Variants in KBTBD2 observed in about 807,000 individuals in gnomAD.
KBTBD2 encodes kelch repeat and BTB domain-containing protein 2.
A neutral mutation model predicts 57.1 loss-of-function variants in KBTBD2; 17 were observed. The ratio of observed to expected loss-of-function variants is 0.30; its 90% confidence interval spans 0.20 to 0.45. The LOEUF is 0.45. Among genes scored for constraint, KBTBD2 ranks in the 20% least tolerant of loss-of-function variants. The pLI, the probability that KBTBD2 is intolerant of heterozygous loss-of-function variation, is 1.00. For synonymous variants in KBTBD2, 267 were observed against 262.7 expected (o/e 1.02, Z -0.16); for missense variants, 515 against 750.6 (o/e 0.69, Z 3.67).
At chr7:32,881,628 A>G (rs1784446533) in intron 1 of KBTBD2, among the ~76,000 whole-genome samples, 1 of 152,226 alleles carries the variant, frequency 6.6e-6, no homozygotes. Flanking sequence ...AGGCAGAGTG[A>G]GACTCTGGGT....
upstream of KBTBD2, chr7:32,892,014 G>C (rs1299622348): frequency 6.7e-6 from 1 of 150,308 alleles, no homozygotes; most frequent in African/African-American, 2.4e-5. Flanking sequence ...CCTCGCGCGC[G>C]CGCGCGCCTG....
At chr7:32,886,567 C>CT (rs1462977864) in intron 1 of KBTBD2, among the ~76,000 whole-genome samples, 3 of 152,276 alleles carry the variant, frequency 2.0e-5, no homozygotes, top group Non-Finnish European at 4.4e-5. Flanking sequence ...TATCAGAGAC[C>CT]TGAGTGTCCT....
intron 3 of KBTBD2, 125 bp from the exon 4 acceptor site, chr7:32,871,005 T>A: frequency 1.6e-6 from 1 of 606,810 alleles, no homozygotes. Context: ...GATACACACA[T>A]CTGGGCTGAG....
At position 32,882,031 on chromosome 7, in the gene KBTBD2, T is replaced by C. The variant is rs1026696444; in HGVS notation, c.-338-2089A>G. Among the ~76,000 whole-genome samples the C allele has an allele frequency of 5.9e-5, 9 of 152,120 alleles. No individual in the cohort carries two copies. In the South Asian group the frequency reaches 6.2e-4, roughly 11 times the overall value. On this transcript the variant is annotated intron_variant, in intron 1 of 3. Transcript: ENST00000304056. ...TGGTGTCAAAAATAAAGACTATATA[T>C]AGCCTCACGTTACTTCAGGTCAGGT...
At position 32,869,936 on chromosome 7, in the gene KBTBD2, AACC is replaced by A; in HGVS notation, c.1278_1280del (p.Val427del). The stretch of plus-strand genomic sequence containing the variant: ...GTGTCATCACATAAATGCAGTCATG[AACC>A]ACAACTGCTGCACTCCATTGCCAAG... On this transcript the variant is annotated inframe_deletion, in exon 4 of 4. Coordinates refer to ENST00000304056, the MANE Select transcript of KBTBD2 (RefSeq NM_015483.3). The A allele has an allele frequency of 6.2e-7, 1 of 1,614,046 alleles. No homozygotes were observed. The highest frequency in any genetic ancestry group is 1.1e-5 in the South Asian group (1 of 91,086).
At position 32,879,598 on chromosome 7, in the gene KBTBD2, T is replaced by C. The variant is rs1418505345; in HGVS notation, c.7A>G (p.Thr3Ala). 5 of 1,612,274 alleles carry C rather than the reference T, an allele frequency of 3.1e-6. No individual in the cohort carries two copies. The African/African-American group carries it at 5.3e-5, about 17-fold the overall frequency. The stretch of plus-strand genomic sequence containing the variant: ...GTATTGATCTGCCTCTCGTCTTGAG[T>C]GGACATGACTGTATTCCATTAATAT... Reference protein sequence around the residue: MSTQDERQINTEY... With the variant: MSAQDERQINTEY... Residue 3 changes from threonine to alanine, a missense_variant, in exon 2 of 4, where the codon ACT becomes GCT. By Grantham distance (58) the Thr-to-Ala change is moderately conservative. Transcript: ENST00000304056.
intron 2 of KBTBD2, among the ~76,000 whole-genome samples, chr7:32,876,629 G>A (rs1784318809): frequency 6.6e-6 from 1 of 152,184 alleles, no homozygotes; most frequent in Non-Finnish European, 1.5e-5. Flanking sequence ...TAAGAGGTAA[G>A]AAACTAAGTT....
chr7:32,890,307 G>C (rs954833730), intron 1 of KBTBD2, among the ~76,000 whole-genome samples: 3 of 152,164 alleles, frequency 2.0e-5, no homozygotes, highest in Non-Finnish European at 4.4e-5. Context: ...TTATCAGCCA[G>C]ATGGAAAGAA....
At chr7:32,879,235 G>T (rs1784391208) in intron 2 of KBTBD2, among the ~76,000 whole-genome samples, 200 bp downstream of exon 2, 1 of 152,066 alleles carries the variant, frequency 6.6e-6, no homozygotes, top group Non-Finnish European at 1.5e-5. Flanking sequence ...TTAGTTAATT[G>T]CAACACATTT....
chr7:32,875,321 G>A (rs553108816), intron 2 of KBTBD2, among the ~76,000 whole-genome samples, 164 bp from the exon 3 acceptor site: 1 of 152,238 alleles, frequency 6.6e-6, no homozygotes, highest in East Asian at 1.9e-4. Flanking sequence ...CCCCAGGCTG[G>A]AGTGCAGTGG....
Position 32,869,534 on chromosome 7 carries a change from C to A in KBTBD2, c.1683G>T (p.Trp561Cys), listed in dbSNP as rs1784115911. 6.2e-7 allele frequency: 1 copy of A among 1,614,034 alleles called. No individual in the cohort carries two copies. Among genetic ancestry groups the A allele is most frequent in the Non-Finnish European group, 8.5e-7 (1 of 1,180,028 alleles). Residue 561 changes from tryptophan to cysteine, a missense_variant, in exon 4 of 4, where the codon TGG becomes TGT. By Grantham distance (215) the Trp-to-Cys change is radical (BLOSUM62 -2). Coordinates refer to ENST00000304056, the MANE Select transcript of KBTBD2 (RefSeq NM_015483.3). Reference sequence around the variant, plus strand: ...GTTCAGATATATGCTGCCGCAGAGACCACCGGTCAAGTTCCAGGTCATATT... The same window carrying A: ...GTTCAGATATATGCTGCCGCAGAGAACACCGGTCAAGTTCCAGGTCATATT... Reference protein sequence around the residue: ...TYQYDLELDRWSLRQHISERV... With the variant: ...TYQYDLELDRCSLRQHISERV...
chr7:32,871,452 T>C (rs1006062881), intron 3 of KBTBD2, among the ~76,000 whole-genome samples: 3 of 152,184 alleles, frequency 2.0e-5, no homozygotes, highest in Non-Finnish European at 4.4e-5. Flanking sequence ...TCTTAGCCAC[T>C]GTAAGCTTCC....
upstream of KBTBD2, chr7:32,891,903 C>CCCCCGCCGCCCCCGCCCCCGA: frequency 7.0e-6 from 1 of 141,884 alleles, no homozygotes; most frequent in Non-Finnish European, 1.6e-5. Context: ...CCCGCCCCCG[C>CCCCCGCCGCCCCCGCCCCCGA]CCCCGCCGCG....
At chr7:32,879,398 T>C (rs751436694) in intron 2 of KBTBD2, 37 bp downstream of exon 2, 1 of 1,453,196 alleles carries the variant, frequency 6.9e-7, no homozygotes, top group Admixed American at 2.2e-5. Context: ...AAATAACATT[T>C]CAAAGAATTT....
intron 1 of KBTBD2, among the ~76,000 whole-genome samples, chr7:32,881,100 C>CAA (rs10617384): frequency 8.0e-6 from 1 of 125,712 alleles, no homozygotes; most frequent in African/African-American, 3.0e-5. Context: ...GACACCGTCT[C>CAA]AAAAAAAAAA....
Position 32,891,048 on chromosome 7 carries a change from T to C in KBTBD2, c.-339+488A>G, listed in dbSNP as rs556007811. 4 of 152,302 alleles carry C rather than the reference T, an allele frequency of 2.6e-5. No individual in the cohort carries two copies. In the South Asian group the frequency reaches 8.3e-4, roughly 32 times the overall value. 9.4% of individuals were successfully genotyped at this position (152,302 alleles called of 1,614,324 possible). ...GATATAGACCATAACAGGAGCTCTGTTCGTCTAGACCTCTCTTGGTTAGTT... is the reference window on the plus strand; with the variant it reads ...GATATAGACCATAACAGGAGCTCTGCTCGTCTAGACCTCTCTTGGTTAGTT... On this transcript the variant is annotated intron_variant, in intron 1 of 3. Transcript: ENST00000304056.
At chr7:32,887,881 T>C (rs998499428) in intron 1 of KBTBD2, among the ~76,000 whole-genome samples, 3 of 152,256 alleles carry the variant, frequency 2.0e-5, no homozygotes, top group Non-Finnish European at 2.9e-5. Flanking sequence ...TACAACTCTC[T>C]TCTCAATGAA....
At chr7:32,874,705 A>T (rs1784266873) in intron 3 of KBTBD2, 1 of 218,544 alleles carries the variant, frequency 4.6e-6, no homozygotes, top group Admixed American at 5.5e-5. Context: ...AAAAATGCTT[A>T]CCTGTAGGCT....
chr7:32,873,770 C>T lies in KBTBD2; in HGVS notation c.336+1222G>A, dbSNP rs567560793. ...TACTTTAACTTGAAATCAAAATTCT[C>T]AGGTATATTAGGTAGTAAAACACAC... is the stretch of plus-strand genomic sequence containing the variant. On this transcript the variant is annotated intron_variant, in intron 3 of 3. Transcript: ENST00000304056. Among the ~76,000 whole-genome samples the T allele has an allele frequency of 9.2e-5, 14 of 152,204 alleles. No homozygotes were observed. In the East Asian group the frequency reaches 2.5e-3, roughly 27 times the overall value.
Sources: allele counts gnomAD v4.1 joint callset (sites outside exome capture counted in the v4.1 genomes callset), GRCh38; gene constraint gnomAD v4.1.1; transcripts MANE v1.5; gene names NCBI Gene and HGNC (gene_info 2026-07-23, HGNC 2026-07-21).